Variants in STXBP5L observed in about 807,000 individuals in gnomAD.
The protein encoded by STXBP5L is syntaxin binding protein 5L.
Under a neutral mutation model 144.5 loss-of-function variants are expected in STXBP5L, and 65 were observed. That is an observed-to-expected ratio of 0.45 (90% CI 0.37 to 0.55). STXBP5L has a LOEUF of 0.55. STXBP5L is among the 20% of genes least tolerant of loss of function. The pLI, the probability that STXBP5L is intolerant of heterozygous loss-of-function variation, is 0.00. For synonymous variants in STXBP5L, 505 were observed against 469.6 expected, an observed-to-expected ratio of 1.08 and a Z score of -0.97; for missense variants, 1,298 against 1,405.5, an observed-to-expected ratio of 0.92 and a Z score of 1.22.
intron 13 of STXBP5L, among the ~76,000 whole-genome samples, chr3:121,239,371 A>G (rs548744208): frequency 3.3e-5 from 5 of 150,654 alleles, no homozygotes; most frequent in East Asian, 3.9e-4. Flanking sequence ...CTTATCTAGT[A>G]TGTACATTTA....
At chr3:121,085,120 T>C (rs148787808) in intron 5 of STXBP5L, among the ~76,000 whole-genome samples, 1 of 152,186 alleles carries the variant, frequency 6.6e-6, no homozygotes, top group African/African-American at 2.4e-5. Flanking sequence ...ATATTAGACC[T>C]TTGTCAGATG....
chr3:120,953,595 C>T (rs1021370767), intron 2 of STXBP5L, among the ~76,000 whole-genome samples: 2 of 151,088 alleles, frequency 1.3e-5, no homozygotes, highest in Non-Finnish European at 2.9e-5. Flanking sequence ...GCTTTGGCCT[C>T]CCAAAGTGCT....
At chr3:121,238,874 AG>A in intron 12 of STXBP5L, 96 bp from the exon 13 acceptor site, 1 of 1,194,134 alleles carries the variant, frequency 8.4e-7, no homozygotes. Flanking sequence ...CAAAATTTAT[AG>A]TGATGTTTAG....
intron 5 of STXBP5L, among the ~76,000 whole-genome samples, chr3:121,051,626 A>T: frequency 6.6e-6 from 1 of 152,240 alleles, no homozygotes; most frequent in Non-Finnish European, 1.5e-5. Flanking sequence ...TGCCCACAAG[A>T]GAAAGCAGGA....
rs1369528621 is a variant in STXBP5L, at chr3:120,986,517, T to A, written c.287+31480T>A. Among the ~76,000 whole-genome samples the A allele has an allele frequency of 2.6e-5, 4 of 152,132 alleles. No individual in the cohort carries two copies. In the South Asian group the frequency reaches 6.2e-4, roughly 24 times the overall value. On this transcript the variant is annotated intron_variant, in intron 3 of 26. Transcript: ENST00000471454. ...GTCTACTTCCTTCAATTTTGTCAGT[T>A]TTTGCTTATATTTTGATGGTCTGTC...
chr3:121,326,306 G>A (rs1337121047), intron 20 of STXBP5L, among the ~76,000 whole-genome samples: 1 of 151,886 alleles, frequency 6.6e-6, no homozygotes, highest in Non-Finnish European at 1.5e-5. Flanking sequence ...AGATATGTAG[G>A]CTTTTTATGG....
chr3:121,024,115 C>T (rs618133), intron 3 of STXBP5L, among the ~76,000 whole-genome samples: 1 of 151,982 alleles, frequency 6.6e-6, no homozygotes, highest in Non-Finnish European at 1.5e-5. Context: ...GAAAGACACT[C>T]TTAAAGGAAT....
At chr3:121,279,537 G>A (rs906345274) in intron 18 of STXBP5L, among the ~76,000 whole-genome samples, 1 of 151,850 alleles carries the variant, frequency 6.6e-6, no homozygotes, top group African/African-American at 2.4e-5. Context: ...AGTTTAAAGA[G>A]CGGATTGGGT....
chr3:121,413,017 G>A (rs1576375802), intron 23 of STXBP5L, 141 bp from the exon 24 acceptor site: 1 of 673,774 alleles, frequency 1.5e-6, no homozygotes, highest in East Asian at 3.5e-5. Context: ...GACAGAGCAA[G>A]ACTCTGTCTC....
intron 3 of STXBP5L, among the ~76,000 whole-genome samples, chr3:121,008,292 T>A (rs951067076): frequency 6.6e-6 from 1 of 151,962 alleles, no homozygotes; most frequent in African/African-American, 2.4e-5. Flanking sequence ...TGCCAGCTGG[T>A]CTAGTGTCAT....
intron 3 of STXBP5L, among the ~76,000 whole-genome samples, chr3:121,004,145 T>G (rs1051728086): frequency 3.9e-5 from 6 of 152,212 alleles, no homozygotes; most frequent in Non-Finnish European, 5.9e-5. Flanking sequence ...TTGGGCAGTA[T>G]GGCCATTTTC....
chr3:121,067,338 T>C (rs181914238), intron 5 of STXBP5L, among the ~76,000 whole-genome samples: 1 of 152,254 alleles, frequency 6.6e-6, no homozygotes, highest in Non-Finnish European at 1.5e-5. Context: ...TGTCTAATAT[T>C]TATTAATGTT....
At position 120,973,798 on chromosome 3, in the gene STXBP5L, G is replaced by A. The variant is rs545648892; in HGVS notation, c.287+18761G>A. 2.5e-4 allele frequency among the ~76,000 whole-genome samples: 38 copies of A among 151,776 alleles called. No homozygotes were observed. In the South Asian group the frequency reaches 6.3e-3, roughly 25 times the overall value. ...TATGAGTGAGAACATGCGGTGTTTG[G>A]TTTTTTGTTCTTGCGATAGTTTACT... On this transcript the variant is annotated intron_variant, in intron 3 of 26. Transcript: ENST00000471454.
intron 18 of STXBP5L, 108 bp from the exon 19 acceptor site, chr3:121,279,697 T>A: frequency 7.3e-7 from 1 of 1,366,508 alleles, no homozygotes; most frequent in Non-Finnish European, 1.0e-6. Context: ...ACTGCCCAAC[T>A]TCCCCAACCC....
chr3:121,060,728 C>T (rs551804819), intron 5 of STXBP5L, among the ~76,000 whole-genome samples: 39 of 152,162 alleles, frequency 2.6e-4, no homozygotes, highest in Non-Finnish European at 2.9e-4. Context: ...GGAATTTATC[C>T]ATTTCTTCCA....
At chr3:121,302,186 T>A (rs1262727994) in intron 19 of STXBP5L, among the ~76,000 whole-genome samples, 1 of 152,210 alleles carries the variant, frequency 6.6e-6, no homozygotes, top group Non-Finnish European at 1.5e-5. Flanking sequence ...TGGACTTTTT[T>A]TTGGTTGGTA....
chr3:121,324,502 C>G (rs1012241737), intron 20 of STXBP5L: 15 of 695,718 alleles, frequency 2.2e-5, no homozygotes, highest in Non-Finnish European at 3.7e-5. Context: ...GGACTTGCTA[C>G]CAGAACCCCT....
intron 5 of STXBP5L, among the ~76,000 whole-genome samples, chr3:121,086,091 G>A (rs969856701): frequency 6.6e-6 from 1 of 152,054 alleles, no homozygotes; most frequent in African/African-American, 2.4e-5. Context: ...AATGTTGCTG[G>A]GAAAACTGGC....
At chr3:120,986,171 G>T (rs538016210) in intron 3 of STXBP5L, among the ~76,000 whole-genome samples, 1 of 151,830 alleles carries the variant, frequency 6.6e-6, no homozygotes, top group African/African-American at 2.4e-5. Flanking sequence ...ACAGTGTATT[G>T]TTTAATTTCT....
Sources: allele counts gnomAD v4.1 joint callset (sites outside exome capture counted in the v4.1 genomes callset), GRCh38; gene constraint gnomAD v4.1.1; transcripts MANE v1.5; gene names NCBI Gene and HGNC (gene_info 2026-07-23, HGNC 2026-07-21).